UNC13C: variants seen among roughly 807,000 people sequenced by gnomAD.
The protein encoded by UNC13C is protein unc-13 homolog C.
UNC13C carries 174 observed loss-of-function variants against 245.4 expected under a neutral mutation model. The observed-to-expected ratio is 0.71, with a 90% CI of 0.63 to 0.80. The LOEUF is 0.80. Among genes scored for constraint, UNC13C ranks in the 30% least tolerant of loss-of-function variants. UNC13C has a pLI of 0.00. For missense variants in UNC13C, 2,829 were observed against 2,602.9 expected, an observed-to-expected ratio of 1.09 and a Z score of -1.89; for synonymous variants, 992 against 895.1, an observed-to-expected ratio of 1.11 and a Z score of -1.93.
At chr15:54,455,420 T>C (rs1399921938) in intron 19 of UNC13C, among the ~76,000 whole-genome samples, 1 of 150,988 alleles carries the variant, frequency 6.6e-6, no homozygotes, top group Non-Finnish European at 1.5e-5. Flanking sequence ...CCTTTAGTTC[T>C]TTAAGGAATC....
Position 54,132,247 on chromosome 15 carries a change from T to G in UNC13C, c.2984-10771T>G, listed in dbSNP as rs567974384. Reference sequence around the variant, plus strand: ...CACCACACCTGGCTAATTTTTTGTATTTTTAGTAGAGATGGGGTTTCACCA... The same window carrying G: ...CACCACACCTGGCTAATTTTTTGTAGTTTTAGTAGAGATGGGGTTTCACCA... On this transcript the variant is annotated intron_variant, in intron 2 of 32. Transcript: ENST00000260323. Among the ~76,000 whole-genome samples the G allele has an allele frequency of 3.3e-5, 5 of 151,894 alleles. No homozygotes were observed. The East Asian group carries it at 5.8e-4, about 18-fold the overall frequency.
the UNC13C span, among the ~76,000 whole-genome samples, chr15:53,967,478 C>T: frequency 6.6e-6 from 1 of 151,980 alleles, no homozygotes; most frequent in Admixed American, 6.6e-5. Context: ...TTCCTTATTG[C>T]TTTCTTCTAT....
the UNC13C span, among the ~76,000 whole-genome samples, chr15:53,860,974 A>T: frequency 7.4e-4 from 112 of 152,256 alleles, no homozygotes; most frequent in African/African-American, 2.4e-3. Context: ...GATTTTCTGA[A>T]CCAAAATATG....
chr15:54,151,985 G>A (rs1007507662), intron 4 of UNC13C, among the ~76,000 whole-genome samples: 2 of 152,094 alleles, frequency 1.3e-5, no homozygotes, highest in Admixed American at 6.6e-5. Flanking sequence ...TATTTGAGAC[G>A]TACTTTAAAA....
At chr15:54,105,055 A>C (rs564268582) in intron 2 of UNC13C, among the ~76,000 whole-genome samples, 1 of 152,320 alleles carries the variant, frequency 6.6e-6, no homozygotes, top group South Asian at 2.1e-4. Context: ...TACCTGAGGG[A>C]TATACACCTG....
chr15:54,328,497 G>A (rs1042738382), intron 14 of UNC13C, among the ~76,000 whole-genome samples: 1 of 152,102 alleles, frequency 6.6e-6, no homozygotes, highest in East Asian at 1.9e-4. Context: ...CCTCCCAGGG[G>A]TGCTAAAGAA....
chr15:53,927,467 G>T, the UNC13C span, among the ~76,000 whole-genome samples: 2 of 152,176 alleles, frequency 1.3e-5, no homozygotes, highest in African/African-American at 2.4e-5. Flanking sequence ...ATAGCAACTG[G>T]CATGGACTGA....
At chr15:54,421,343 C>T (rs977709047) in intron 19 of UNC13C, among the ~76,000 whole-genome samples, 3 of 151,926 alleles carry the variant, frequency 2.0e-5, no homozygotes, top group Non-Finnish European at 4.4e-5. Flanking sequence ...ATAGCCTATA[C>T]ATCAAAACTC....
At chr15:54,587,487 A>T (rs112590099) in intron 30 of UNC13C, among the ~76,000 whole-genome samples, 3 of 152,244 alleles carry the variant, frequency 2.0e-5, no homozygotes, top group African/African-American at 7.2e-5. Flanking sequence ...TAGAGATATG[A>T]TAGTTTAAAA....
intron 2 of UNC13C, among the ~76,000 whole-genome samples, chr15:54,056,465 A>C (rs1897529562): frequency 6.6e-6 from 1 of 152,230 alleles, no homozygotes; most frequent in Non-Finnish European, 1.5e-5. Context: ...CTATGTGAAA[A>C]GACCAAATCT....
At chr15:54,294,857 T>C (rs1272429383) in intron 11 of UNC13C, among the ~76,000 whole-genome samples, 1 of 152,130 alleles carries the variant, frequency 6.6e-6, no homozygotes, top group Admixed American at 6.6e-5. Flanking sequence ...TACCAACATA[T>C]GTTAACAAAT....
chr15:53,903,737 C>T, the UNC13C span, among the ~76,000 whole-genome samples: 1 of 151,978 alleles, frequency 6.6e-6, no homozygotes, highest in African/African-American at 2.4e-5. Context: ...AATTGGAGGT[C>T]GAAGGGCTGT....
intron 30 of UNC13C, among the ~76,000 whole-genome samples, chr15:54,568,711 A>G (rs566007342): frequency 7.2e-5 from 11 of 152,178 alleles, no homozygotes; most frequent in Non-Finnish European, 1.3e-4. Flanking sequence ...CAGAAATAAT[A>G]AAAGTAAGTA....
At chr15:54,046,839 A>T in intron 2 of UNC13C, among the ~76,000 whole-genome samples, 1 of 152,100 alleles carries the variant, frequency 6.6e-6, no homozygotes, top group East Asian at 1.9e-4. Flanking sequence ...CTGGGTCAAG[A>T]GCAGAATATT....
At chr15:53,842,705 TGA>T in the UNC13C span, among the ~76,000 whole-genome samples, 1 of 152,046 alleles carries the variant, frequency 6.6e-6, no homozygotes, top group Non-Finnish European at 1.5e-5. Flanking sequence ...GAAGCTGAGC[TGA>T]GAGAGAGATA....
intron 18 of UNC13C, among the ~76,000 whole-genome samples, chr15:54,408,198 T>TAA (rs2040341754): frequency 1.4e-4 from 1 of 7,404 alleles, no homozygotes; most frequent in Admixed American, 1.3e-3. Context: ...AGACTCTGCC[T>TAA]CAAAAAAAAA....
chr15:54,176,424 T>G (rs1410570816), intron 4 of UNC13C, among the ~76,000 whole-genome samples: 1 of 152,188 alleles, frequency 6.6e-6, no homozygotes, highest in African/African-American at 2.4e-5. Context: ...TTCTACTTTT[T>G]GAGATCTGGC....
intron 4 of UNC13C, among the ~76,000 whole-genome samples, chr15:54,213,029 G>C (rs552144179): frequency 6.6e-6 from 1 of 152,052 alleles, no homozygotes; most frequent in Admixed American, 6.6e-5. Flanking sequence ...GAATCATACC[G>C]GTTAGAATAA....
At chr15:54,339,218 C>T (rs1439364277) in intron 17 of UNC13C, among the ~76,000 whole-genome samples, 2 of 152,134 alleles carry the variant, frequency 1.3e-5, no homozygotes, top group Non-Finnish European at 1.5e-5. Context: ...TAAATCAAAA[C>T]CACAATGAGA....
Sources: allele counts gnomAD v4.1 joint callset (sites outside exome capture counted in the v4.1 genomes callset), GRCh38; gene constraint gnomAD v4.1.1; transcripts MANE v1.5; gene names NCBI Gene and HGNC (gene_info 2026-07-23, HGNC 2026-07-21).